Variants in ABCG5 observed in about 807,000 individuals in gnomAD.
ABCG5 encodes ATP binding cassette subfamily G member 5.
Under a neutral mutation model 64.5 loss-of-function variants are expected in ABCG5, and 64 were observed. The observed-to-expected ratio is 0.99, with a 90% CI of 0.81 to 1.22. The LOEUF (loss-of-function observed/expected upper bound fraction) is 1.22, where lower values mean the gene tolerates loss of function less well. Among genes scored for constraint, ABCG5 ranks in the 50% most tolerant of loss-of-function variants. The pLI, the probability that ABCG5 is intolerant of heterozygous loss-of-function variation, is 0.00. For missense variants in ABCG5, 908 were observed against 829.5 expected (o/e 1.09, Z -1.16); for synonymous variants, 385 against 326.3 (o/e 1.18, Z -1.94).
At chr2:43,822,205 C>A (rs935503729) in intron 10 of ABCG5, among the ~76,000 whole-genome samples, 2 of 152,162 alleles carry the variant, frequency 1.3e-5, no homozygotes, top group Non-Finnish European at 2.9e-5. Context: ...CTGACTTGCA[C>A]CCCCATGACT....
At chr2:43,823,420 A>T (rs1031321114) in intron 9 of ABCG5, among the ~76,000 whole-genome samples, 1 of 151,998 alleles carries the variant, frequency 6.6e-6, no homozygotes, top group Non-Finnish European at 1.5e-5. Context: ...CTTCCCTCTT[A>T]TTCCCTAACA....
intron 2 of ABCG5, among the ~76,000 whole-genome samples, chr2:43,837,472 C>T (rs994959728): frequency 1.3e-5 from 2 of 152,112 alleles, no homozygotes; most frequent in African/African-American, 4.8e-5. Flanking sequence ...AAAAAAGCAC[C>T]ACTGGAATCA....
At position 43,837,887 on chromosome 2, in the gene ABCG5, T is replaced by A; in HGVS notation, c.212A>T (p.Asp71Val). ...RQQWTRQILK[D>V]VSLYVESGQI... is the part of the protein sequence containing the mutation. ...CCCGCTCTCCACGTACAAGGAGACA[T>A]CTTTGAGGATCTGCCTGGTCCACTG... Residue 71 changes from aspartate to valine, a missense_variant, in exon 2 of 13, where the codon GAT becomes GTT. Transcript: ENST00000405322. 1 of 1,614,138 alleles carries A rather than the reference T, an allele frequency of 6.2e-7. No homozygotes were observed. The highest frequency in any genetic ancestry group is 1.1e-5 in the South Asian group (1 of 91,088).
At chr2:43,833,487 A>T (rs1213293594) in intron 2 of ABCG5, among the ~76,000 whole-genome samples, 1 of 151,396 alleles carries the variant, frequency 6.6e-6, no homozygotes, top group Non-Finnish European at 1.5e-5. Flanking sequence ...GGTTCATGCC[A>T]TTATCCTGCC....
At chr2:43,834,279 C>T (rs543937973) in intron 2 of ABCG5, among the ~76,000 whole-genome samples, 2 of 152,216 alleles carry the variant, frequency 1.3e-5, no homozygotes, top group Non-Finnish European at 2.9e-5. Flanking sequence ...TGAACTCTGG[C>T]AGAAGCTGCA....
chr2:43,811,846 G>A (rs1217606443), downstream of ABCG5, among the ~76,000 whole-genome samples: 1 of 151,958 alleles, frequency 6.6e-6, no homozygotes, highest in East Asian at 1.9e-4. Flanking sequence ...CACCCGCCTC[G>A]GCCTCCCAAA....
intron 4 of ABCG5, among the ~76,000 whole-genome samples, chr2:43,830,681 G>C (rs889185254): frequency 1.3e-5 from 2 of 151,226 alleles, no homozygotes; most frequent in African/African-American, 4.9e-5. Flanking sequence ...TCTGCTATCG[G>C]GAGTTCTCCT....
intron 4 of ABCG5, among the ~76,000 whole-genome samples, chr2:43,830,311 T>C (rs555703789): frequency 1.0e-3 from 159 of 152,384 alleles, no homozygotes; most frequent in African/African-American, 3.6e-3. Flanking sequence ...CGTAATCTGA[T>C]GTATTCTTCA....
rs940868395 is a variant in ABCG5 at position 43,838,026 on chromosome 2, A to T, written c.144-71T>A. On this transcript the variant is annotated intron_variant, in intron 1 of 12. Coordinates refer to ENST00000405322, the MANE Select transcript of ABCG5 (RefSeq NM_022436.3). This position sits in a 1 kb window ranked among gnomAD's most constrained non-coding sequence, Gnocchi z 4.2. ...AAGGGGCCACACCCAGGTCCCCAGC[A>T]TTGATCCTACCTGTGCCCCACCCCA... The T allele has an allele frequency of 1.4e-5, 23 of 1,604,772 alleles. No individual in the cohort carries two copies. Among genetic ancestry groups the T allele is most frequent in the Non-Finnish European group, 1.9e-5 (22 of 1,174,176 alleles).
Position 43,838,388 on chromosome 2 carries a change from C to A in ABCG5, c.143+149G>T. The A allele has an allele frequency of 1.3e-6, 1 of 752,854 alleles. No homozygotes were observed. Among genetic ancestry groups the A allele is most frequent in the Non-Finnish European group, 2.1e-6 (1 of 467,614 alleles). The allele number at this position is 752,854 out of a possible 1,614,324, so 46.6% of individuals were successfully genotyped here. A position where few individuals can be genotyped will look rare whatever the true frequency, so the allele number is the denominator to read the frequency against. ...TCGCTCCATGTTTCCCAGCACAGCC[C>A]TTCTCCCTCTCCTCTCTCCACCCGA... On this transcript the variant is annotated intron_variant, in intron 1 of 12. Coordinates refer to ENST00000405322, the MANE Select transcript of ABCG5 (RefSeq NM_022436.3). This position sits in a 1 kb window ranked among gnomAD's most constrained non-coding sequence, Gnocchi z 4.2.
In ABCG5 at chr2:43,838,513, G is replaced by A. The variant is rs747899836; in HGVS notation, c.143+24C>T. ...CGGGCCCCGCACTCCTGGGGGAGCA[G>A]CAGCAGCAAGGGCTCTGCCTTACCT... On this transcript the variant is annotated intron_variant, in intron 1 of 12. Coordinates refer to ENST00000405322, the MANE Select transcript of ABCG5 (RefSeq NM_022436.3). The surrounding 1 kb of genome is among the most constrained non-coding windows in gnomAD (Gnocchi z 4.2). 5.7e-6 allele frequency: 9 copies of A among 1,583,920 alleles called. No individual in the cohort carries two copies. The highest frequency in any genetic ancestry group is 3.6e-5 in the Admixed American group (2 of 55,738).
At position 43,838,433 on chromosome 2, in the gene ABCG5, G is replaced by A. The variant is rs972285512; in HGVS notation, c.143+104C>T. The A allele has an allele frequency of 1.4e-5, 16 of 1,157,846 alleles. No homozygotes were observed. Among genetic ancestry groups the A allele is most frequent in the Middle Eastern group, 2.8e-4 (1 of 3,552 alleles). The allele number at this position is 1,157,846 out of a possible 1,614,324, so 71.7% of individuals were successfully genotyped here. A position where few individuals can be genotyped will look rare whatever the true frequency, so the allele number is the denominator to read the frequency against. On this transcript the variant is annotated intron_variant, in intron 1 of 12. Transcript: ENST00000405322. This position sits in a 1 kb window ranked among gnomAD's most constrained non-coding sequence, Gnocchi z 4.2. The stretch of plus-strand genomic sequence containing the variant: ...ACCCGATCCACTAAAGAGGGAGCCC[G>A]AAGTGCCCAGACTGGCACTTAAAGA...
At chr2:43,808,045 T>G (rs935480343), downstream of ABCG5, among the ~76,000 whole-genome samples, 2 of 152,228 alleles carry the variant, frequency 1.3e-5, no homozygotes, top group Non-Finnish European at 2.9e-5. Flanking sequence ...AACAACATTT[T>G]CACCTTTGTC....
intron 2 of ABCG5, among the ~76,000 whole-genome samples, chr2:43,836,715 C>T (rs572329675): frequency 1.4e-4 from 21 of 152,052 alleles, no homozygotes; most frequent in Non-Finnish European, 2.5e-4. Flanking sequence ...GCACAAACAC[C>T]GACTGTAGGC....
chr2:43,809,714 C>A, downstream of ABCG5: 1 of 1,610,460 alleles, frequency 6.2e-7, no homozygotes, highest in Non-Finnish European at 8.5e-7. Context: ...GGAACTGGAA[C>A]AGTACAAAAG....
At chr2:43,833,770 T>C (rs6716572) in intron 2 of ABCG5, among the ~76,000 whole-genome samples, 65,471 of 151,894 alleles carry the variant, frequency 0.43, 15,145 homozygotes, top group East Asian at 0.84. Flanking sequence ...CTGCAACCGC[T>C]GTCTCCCAGG....
chr2:43,822,470 TC>T, intron 10 of ABCG5: 1 of 354,562 alleles, frequency 2.8e-6, no homozygotes, highest in Non-Finnish European at 3.6e-6. Context: ...CTTTCTCCCC[TC>T]CCCCAGGCCC....
rs1030498722 is a variant in ABCG5 at position 43,833,210 on chromosome 2, A to G, written c.266-1127T>C. Among the ~76,000 whole-genome samples, 55 of 152,118 alleles carry G rather than the reference A, an allele frequency of 3.6e-4. 1 individual carries two copies. Among genetic ancestry groups the G allele is most frequent in the Non-Finnish European group, 4.4e-5 (3 of 68,024 alleles). ...TAGGCCCAGAGTTCATGGAGACAGA[A>G]TAGACCTCCCAGGCCTTTCCTATCC... On this transcript the variant is annotated intron_variant, in intron 2 of 12. Coordinates refer to ENST00000405322, the MANE Select transcript of ABCG5 (RefSeq NM_022436.3).
chr2:43,837,879 A>C lies in ABCG5; in HGVS notation c.220T>G (p.Leu74Val), dbSNP rs775270938. The change falls in exon 2 of 13, where the codon TTG becomes GTG. Residue 74 changes from leucine (L) to valine (V), a missense_variant. By Grantham distance (32) the Leu-to-Val change is conservative (BLOSUM62 1). Coordinates refer to ENST00000405322, the MANE Select transcript of ABCG5 (RefSeq NM_022436.3). ...ATGATCTGCCCGCTCTCCACGTACA[A>C]GGAGACATCTTTGAGGATCTGCCTG... is the stretch of plus-strand genomic sequence containing the variant. ...WTRQILKDVS[L>V]YVESGQIMCI... 40 of 1,614,004 alleles carry C rather than the reference A, an allele frequency of 2.5e-5. No homozygotes were observed. The highest frequency in any genetic ancestry group is 3.4e-5 in the Non-Finnish European group (40 of 1,180,004).
Sources: allele counts gnomAD v4.1 joint callset (sites outside exome capture counted in the v4.1 genomes callset), GRCh38; gene constraint gnomAD v4.1.1; non-coding constraint Gnocchi (gnomAD v3.1); transcripts MANE v1.5; gene names NCBI Gene and HGNC (gene_info 2026-07-23, HGNC 2026-07-21).